NCKAP1: variants seen among roughly 807,000 people sequenced by gnomAD.
NCKAP1 encodes NCK associated protein 1.
Under a neutral mutation model 151.2 loss-of-function variants are expected in NCKAP1, and 21 were observed. The ratio of observed to expected loss-of-function variants is 0.14; its 90% confidence interval spans 0.10 to 0.20. NCKAP1 has a LOEUF of 0.20. Ranked by LOEUF, NCKAP1 falls within the 10% of genes least tolerant of loss-of-function variation. The pLI, the probability that NCKAP1 is intolerant of heterozygous loss-of-function variation, is 1.00. For missense variants in NCKAP1, 933 were observed against 1,352.1 expected (o/e 0.69, Z 4.86); for synonymous variants, 484 against 451.8 (o/e 1.07, Z -0.90).
intron 23 of NCKAP1, among the ~76,000 whole-genome samples, chr2:182,947,515 T>C (rs1697131255): frequency 6.6e-6 from 1 of 152,216 alleles, no homozygotes; most frequent in East Asian, 1.9e-4. Context: ...GGCTTATGTC[T>C]CTGATTTCCC....
rs1696409547 is a variant in NCKAP1 at position 182,912,413 on chromosome 2, T to C, written c.*13289A>G. 1 of 152,192 alleles carries C rather than the reference T, an allele frequency of 6.6e-6. No individual in the cohort carries two copies. Among genetic ancestry groups the C allele is most frequent in the African/African-American group, 2.4e-5 (1 of 41,458 alleles). The allele number at this position is 152,192 out of a possible 1,614,324, so 9.4% of individuals were successfully genotyped here. On this transcript the variant is annotated 3_prime_UTR_variant, in exon 31 of 31. Coordinates refer to ENST00000361354, the MANE Select transcript of NCKAP1 (RefSeq NM_013436.5). Reference sequence around the variant, plus strand: ...GATCAAAGAGTTTTCACATGAGCTCTCTATGTGGCAATGAGATACAAGTGC... The same window carrying C: ...GATCAAAGAGTTTTCACATGAGCTCCCTATGTGGCAATGAGATACAAGTGC...
chr2:183,026,377 G>C (rs150874288), intron 1 of NCKAP1, among the ~76,000 whole-genome samples: 1 of 152,004 alleles, frequency 6.6e-6, no homozygotes, highest in East Asian at 1.9e-4. Flanking sequence ...TTGGGAAGCT[G>C]AGGGAGAAGA....
At chr2:182,935,029 T>C (rs1030405140) in intron 25 of NCKAP1, among the ~76,000 whole-genome samples, 197 bp from the exon 26 acceptor site, 2 of 152,122 alleles carry the variant, frequency 1.3e-5, no homozygotes, top group Non-Finnish European at 2.9e-5. Context: ...GCCAGTATAG[T>C]CAAAATTGAA....
chr2:182,953,736 T>TGA (rs1238243170), intron 20 of NCKAP1, among the ~76,000 whole-genome samples: 1 of 151,980 alleles, frequency 6.6e-6, no homozygotes, highest in Non-Finnish European at 1.5e-5. Context: ...AGGCAGAGGT[T>TGA]GCAGTGAGCT....
intron 1 of NCKAP1, among the ~76,000 whole-genome samples, chr2:183,028,428 C>A (rs1698940527): frequency 6.6e-6 from 1 of 152,036 alleles, no homozygotes; most frequent in Admixed American, 6.5e-5. Context: ...GAACTTTATT[C>A]TCCATGAATA....
At chr2:182,987,425 C>T (rs1211033998) in intron 9 of NCKAP1, among the ~76,000 whole-genome samples, 1 of 152,020 alleles carries the variant, frequency 6.6e-6, no homozygotes, top group African/African-American at 2.4e-5. Context: ...GATGATAATT[C>T]ATATTTTAAA....
rs561085210 is a variant in NCKAP1, at chr2:183,001,216, C to T, written c.603+737G>A. ...AGTTCTAGTTTTGCCACTATTGTTA[C>T]CAAATGACTTACCTTGTCATGATAC... On this transcript the variant is annotated intron_variant, in intron 6 of 30. Transcript: ENST00000361354. Among the ~76,000 whole-genome samples the T allele has an allele frequency of 3.2e-3, 485 of 152,308 alleles. 3 individuals carry two copies. Among genetic ancestry groups the T allele is most frequent in the Non-Finnish European group, 5.2e-3 (354 of 68,020 alleles).
chr2:182,937,560 T>C (rs1260398813), intron 24 of NCKAP1, among the ~76,000 whole-genome samples: 1 of 152,160 alleles, frequency 6.6e-6, no homozygotes, highest in Non-Finnish European at 1.5e-5. Context: ...TACTGTATCC[T>C]TCAAGCAATG....
At chr2:182,998,834 C>CAAAA (rs1160835228) in intron 6 of NCKAP1, among the ~76,000 whole-genome samples, 69 of 44,182 alleles carry the variant, frequency 1.6e-3, no homozygotes, top group African/African-American at 1.9e-3. Flanking sequence ...AAGACTCCAA[C>CAAAA]AAAAAAAAAA....
At position 183,038,284 on chromosome 2, in the gene NCKAP1, G is replaced by C; in HGVS notation, c.-185C>G. The C allele has an allele frequency of 2.5e-6, 1 of 405,726 alleles. No homozygotes were observed. The highest frequency in any genetic ancestry group is 4.3e-6 in the Non-Finnish European group (1 of 231,532). 25.1% of individuals were successfully genotyped at this position (405,726 alleles called of 1,614,324 possible). ...CAGAGCGAGCCGCGGCGGACTCCTC[G>C]GAGCCCCTTCTCCCGCAGCAGCCCG... On this transcript the variant is annotated 5_prime_UTR_variant, in exon 1 of 31. Coordinates refer to ENST00000361354, the MANE Select transcript of NCKAP1 (RefSeq NM_013436.5).
In NCKAP1 at chr2:182,919,705, G is replaced by A. The variant is rs1457116116; in HGVS notation, c.*5997C>T. The A allele has an allele frequency of 6.6e-6, 1 of 150,614 alleles. No individual in the cohort carries two copies. The highest frequency in any genetic ancestry group is 1.5e-5 in the Non-Finnish European group (1 of 67,816). 9.3% of individuals were successfully genotyped at this position (150,614 alleles called of 1,614,324 possible). A position where few individuals can be genotyped will look rare whatever the true frequency, so the allele number is the denominator to read the frequency against. On this transcript the variant is annotated 3_prime_UTR_variant, in exon 31 of 31. Transcript: ENST00000361354. ...CTTGTTCTGTTGCCCAGGCTGGAGT[G>A]CAGTGGCATGATCTCGGCTCACTGC...
In NCKAP1 at chr2:183,038,264, C is replaced by G. The variant is rs1699147774; in HGVS notation, c.-165G>C. 9.2e-6 allele frequency: 4 copies of G among 436,032 alleles called. No homozygotes were observed. Among genetic ancestry groups the G allele is most frequent in the Admixed American group, 4.6e-5 (1 of 21,884 alleles). The allele number at this position is 436,032 out of a possible 1,614,324, so 27.0% of individuals were successfully genotyped here. On this transcript the variant is annotated 5_prime_UTR_variant, in exon 1 of 31. Coordinates refer to ENST00000361354, the MANE Select transcript of NCKAP1 (RefSeq NM_013436.5). ...CCCCAATCCCGCGCCGGCGACAGAG[C>G]GAGCCGCGGCGGACTCCTCGGAGCC...
chr2:182,987,207 A>C (rs1040905613), intron 9 of NCKAP1, among the ~76,000 whole-genome samples: 1 of 152,206 alleles, frequency 6.6e-6, no homozygotes, highest in Non-Finnish European at 1.5e-5. Context: ...ACACCACTGC[A>C]CTTCAGCCTG....
chr2:182,954,797 A>C (rs2105824731), intron 20 of NCKAP1, among the ~76,000 whole-genome samples: 1 of 152,136 alleles, frequency 6.6e-6, no homozygotes, highest in South Asian at 2.1e-4. Context: ...AAATAAATAA[A>C]TAAATAAATT....
chr2:182,976,083 A>T (rs1697816987), intron 15 of NCKAP1, among the ~76,000 whole-genome samples: 1 of 152,228 alleles, frequency 6.6e-6, no homozygotes, highest in African/African-American at 2.4e-5. Flanking sequence ...TTTTGACTTC[A>T]CAATGAGTCA....
Position 182,952,821 on chromosome 2 carries a change from G to T in NCKAP1, c.2475C>A (p.Phe825Leu). ...ATATGTCAGAATATTCCTCTGCATT[G>T]AATGTTAATTCATTTTCTGTAGGTA... ...VNLPTENELTFNAEEYSDISE... is the reference protein window; with the variant it reads ...VNLPTENELTLNAEEYSDISE... The change falls in exon 22 of 31, where the codon TTC becomes TTA. Residue 825 changes from phenylalanine (F) to leucine (L), a missense_variant. Physicochemically the swap from Phe to Leu is conservative, Grantham distance 22. Coordinates refer to ENST00000361354, the MANE Select transcript of NCKAP1 (RefSeq NM_013436.5). 6.2e-7 allele frequency: 1 copy of T among 1,610,698 alleles called. No individual in the cohort carries two copies. The highest frequency in any genetic ancestry group is 1.1e-5 in the South Asian group (1 of 90,664).
At chr2:182,974,259 T>C (rs1274945879) in intron 15 of NCKAP1, among the ~76,000 whole-genome samples, 7 of 63,274 alleles carry the variant, frequency 1.1e-4, no homozygotes, top group Admixed American at 5.4e-4. Flanking sequence ...CTGTTGTCAC[T>C]AAAAAAAAAA....
intron 2 of NCKAP1, among the ~76,000 whole-genome samples, chr2:183,014,637 A>T (rs1342614805): frequency 6.6e-6 from 1 of 152,234 alleles, no homozygotes; most frequent in African/African-American, 2.4e-5. Flanking sequence ...AGAATAAAAG[A>T]AAGTAAGTAC....
chr2:182,985,044 ACAAACTC>A (rs1310743547), intron 10 of NCKAP1, among the ~76,000 whole-genome samples: 1 of 152,244 alleles, frequency 6.6e-6, no homozygotes, highest in African/African-American at 2.4e-5. Context: ...AGGAATTCTA[ACAAACTC>A]CAAAGTACGT....
Sources: allele counts gnomAD v4.1 joint callset (sites outside exome capture counted in the v4.1 genomes callset), GRCh38; gene constraint gnomAD v4.1.1; transcripts MANE v1.5; gene names NCBI Gene and HGNC (gene_info 2026-07-23, HGNC 2026-07-21).